VAMP7: variants seen among roughly 807,000 people sequenced by gnomAD.
The protein encoded by VAMP7 is vesicle associated membrane protein 7.
In VAMP7, 14 loss-of-function variants were observed where a neutral mutation model predicts 29.6. The observed-to-expected ratio is 0.47, with a 90% CI of 0.31 to 0.74. The LOEUF is 0.74. VAMP7 is among the 30% of genes least tolerant of loss of function. The probability of loss-of-function intolerance (pLI) is 0.05; values close to 1 mark genes in which losing one functional copy is unlikely to be tolerated. For synonymous variants in VAMP7, 95 were observed against 88.1 expected, an observed-to-expected ratio of 1.08 and a Z score of -0.44; for missense variants, 223 against 262.4, an observed-to-expected ratio of 0.85 and a Z score of 1.04.
intron 3 of VAMP7, among the ~76,000 whole-genome samples, chrX:155,896,320 CAA>C (rs1278485487): frequency 6.6e-6 from 1 of 152,094 alleles, no homozygotes; most frequent in African/African-American, 2.4e-5. Flanking sequence ...CAAAACCTCT[CAA>C]AAATTGTTTA....
At chrX:155,887,566 T>C (rs955928814) in intron 1 of VAMP7, among the ~76,000 whole-genome samples, 3 of 152,030 alleles carry the variant, frequency 2.0e-5, no homozygotes, top group African/African-American at 7.2e-5. Context: ...GGGCAAAAGC[T>C]GGATTATAGT....
chrX:155,906,842 A>G lies in VAMP7; in HGVS notation c.433+6255A>G, dbSNP rs190536820. ...ATTTGCCCTAGCTAGAACCTCCAGTATAATGTTGAATAGAAGTGGTAAGAG... is the reference window on the plus strand; with the variant it reads ...ATTTGCCCTAGCTAGAACCTCCAGTGTAATGTTGAATAGAAGTGGTAAGAG... On this transcript the variant is annotated intron_variant, in intron 5 of 7. Transcript: ENST00000286448. 2.2e-3 allele frequency among the ~76,000 whole-genome samples: 336 copies of G among 152,284 alleles called. 2 individuals are homozygous for G. The highest frequency in any genetic ancestry group is 3.4e-3 in the Non-Finnish European group (231 of 68,014).
At chrX:155,895,492 G>A (rs1234413085) in intron 2 of VAMP7, 131 bp from the exon 3 acceptor site, 1 of 617,268 alleles carries the variant, frequency 1.6e-6, no homozygotes, top group Admixed American at 2.6e-5. Flanking sequence ...GGGGAAGAGG[G>A]AGAAGAGACT....
intron 1 of VAMP7, among the ~76,000 whole-genome samples, chrX:155,882,828 C>G (rs992732300): frequency 6.6e-6 from 1 of 152,198 alleles, no homozygotes; most frequent in African/African-American, 2.4e-5. Context: ...ATGGTAGGCA[C>G]TGTGCTGAGC....
intron 5 of VAMP7, among the ~76,000 whole-genome samples, chrX:155,901,852 C>T (rs1463754128): frequency 3.3e-5 from 5 of 152,184 alleles, no homozygotes; most frequent in East Asian, 1.9e-4. Context: ...CTTGGTGATG[C>T]GGGCTCTTTT....
intron 5 of VAMP7, among the ~76,000 whole-genome samples, chrX:155,910,899 T>C (rs2066228564): frequency 6.6e-6 from 1 of 152,196 alleles, no homozygotes; most frequent in Non-Finnish European, 1.5e-5. Context: ...GTCTCTTCAC[T>C]CTTGATTATT....
At chrX:155,916,457 T>C (rs1018008082) in intron 5 of VAMP7, among the ~76,000 whole-genome samples, 6 of 152,232 alleles carry the variant, frequency 3.9e-5, no homozygotes, top group African/African-American at 1.4e-4. Context: ...GTGTTGATGG[T>C]CTTTACAGTT....
chrX:155,915,267 G>C (rs1265545177), intron 5 of VAMP7, among the ~76,000 whole-genome samples: 1 of 151,586 alleles, frequency 6.6e-6, no homozygotes, highest in Non-Finnish European at 1.5e-5. Flanking sequence ...TCCTTTATTA[G>C]TCTCGCTAGC....
Position 155,920,785 on chromosome X carries a change from C to T in VAMP7, c.501+905C>T, listed in dbSNP as rs185452712. On this transcript the variant is annotated intron_variant, in intron 6 of 7. Transcript: ENST00000286448. Reference sequence around the variant, plus strand: ...GATAATGCATGTAAAGTGCCTAACACAGTATTTGATACATAGTAAGAGCTA... The same window carrying T: ...GATAATGCATGTAAAGTGCCTAACATAGTATTTGATACATAGTAAGAGCTA... Among the ~76,000 whole-genome samples, 58 of 152,288 alleles carry T rather than the reference C, an allele frequency of 3.8e-4. No homozygotes were observed. In the East Asian group the frequency reaches 0.01, roughly 27 times the overall value.
chrX:155,939,821 C>A, intron 7 of VAMP7, 28 bp downstream of exon 7: 2 of 1,526,986 alleles, frequency 1.3e-6, no homozygotes, highest in Non-Finnish European at 1.8e-6. Context: ...TAGTGTATGG[C>A]TTTATTTTTC....
At chrX:155,907,956 C>T (rs1225763622) in intron 5 of VAMP7, among the ~76,000 whole-genome samples, 54 of 151,504 alleles carry the variant, frequency 3.6e-4, no homozygotes, top group African/African-American at 1.1e-3. Flanking sequence ...ACATCTCAGA[C>T]GATGGGCGGC....
intron 5 of VAMP7, among the ~76,000 whole-genome samples, chrX:155,914,939 A>G (rs776459758): frequency 6.6e-6 from 1 of 152,276 alleles, no homozygotes; most frequent in South Asian, 2.1e-4. Context: ...AAGGAATGGT[A>G]CCAGCTCCTC....
At chrX:155,907,158 TG>T (rs2066158661) in intron 5 of VAMP7, among the ~76,000 whole-genome samples, 1 of 152,104 alleles carries the variant, frequency 6.6e-6, no homozygotes, top group South Asian at 2.1e-4. Context: ...TGCATCATGG[TG>T]TATAGTCCTT....
Position 155,898,122 on chromosome X carries a change from GT to G in VAMP7, c.217del (p.Ser73ProfsTer7). On this transcript the variant is annotated frameshift_variant, in exon 4 of 8. Transcript: ENST00000286448. LOFTEE classifies it high-confidence loss of function. The stretch of plus-strand genomic sequence containing the variant: ...TTGATCTCTTTTCAGGATTTTGAAC[GT>G]TCCCGAGCCTTTAATTTTCTGAATG... ...YLCITDDDFERSRAFNFLNEI... is the reference protein window; with the variant it reads ...YLCITDDDFEXSRAFNFLNEI... 1 of 1,608,282 alleles carries G rather than the reference GT, an allele frequency of 6.2e-7. No homozygotes were observed. Among genetic ancestry groups the G allele is most frequent in the Non-Finnish European group, 8.5e-7 (1 of 1,177,278 alleles).
chrX:155,899,264 TC>T (rs2066027620), intron 4 of VAMP7, among the ~76,000 whole-genome samples: 1 of 151,990 alleles, frequency 6.6e-6, no homozygotes, highest in Non-Finnish European at 1.5e-5. Flanking sequence ...CACCAGCAGT[TC>T]CAGTGTCTCT....
intron 1 of VAMP7, among the ~76,000 whole-genome samples, chrX:155,886,408 AC>A (rs2065866144): frequency 6.6e-6 from 1 of 152,158 alleles, no homozygotes; most frequent in Non-Finnish European, 1.5e-5. Context: ...GTTGCTATGT[AC>A]CCACTGTTTA....
At chrX:155,891,460 C>G (rs1409802570) in intron 2 of VAMP7, among the ~76,000 whole-genome samples, 1 of 152,156 alleles carries the variant, frequency 6.6e-6, no homozygotes, top group Non-Finnish European at 1.5e-5. Context: ...CTGTGGTCCA[C>G]TGACCATAAA....
intron 1 of VAMP7, among the ~76,000 whole-genome samples, chrX:155,884,598 T>G (rs1195425391): frequency 6.6e-6 from 1 of 152,232 alleles, no homozygotes; most frequent in African/African-American, 2.4e-5. Context: ...ACTTCTAAGA[T>G]GTAAACATTA....
intron 2 of VAMP7, 134 bp downstream of exon 2, chrX:155,889,746 A>T: frequency 1.0e-6 from 1 of 957,924 alleles, no homozygotes; most frequent in Non-Finnish European, 1.5e-6. Context: ...ACCTTCACCA[A>T]CTTAGAAAAT....
Sources: allele counts gnomAD v4.1 joint callset (sites outside exome capture counted in the v4.1 genomes callset), GRCh38; gene constraint gnomAD v4.1.1; transcripts MANE v1.5; gene names NCBI Gene and HGNC (gene_info 2026-07-23, HGNC 2026-07-21).